Variants in MIPOL1 observed in about 807,000 individuals in gnomAD.
MIPOL1 encodes mirror-image polydactyly 1, also known as mirror-image polydactyly gene 1 protein.
A neutral mutation model predicts 60.9 loss-of-function variants in MIPOL1; 57 were observed. The observed-to-expected ratio is 0.94, with a 90% CI of 0.76 to 1.17. The LOEUF (loss-of-function observed/expected upper bound fraction) is 1.17, where lower values mean the gene tolerates loss of function less well. MIPOL1 is among the 50% of genes most tolerant of loss of function. The pLI, the probability that MIPOL1 is intolerant of heterozygous loss-of-function variation, is 0.00. For synonymous variants in MIPOL1, 179 were observed against 168.8 expected, an observed-to-expected ratio of 1.06 and a Z score of -0.47; for missense variants, 551 against 511.6, an observed-to-expected ratio of 1.08 and a Z score of -0.74.
chr14:37,350,437 A>ATT (rs2091273020), intron 9 of MIPOL1, among the ~76,000 whole-genome samples: 1 of 149,640 alleles, frequency 6.7e-6, no homozygotes, highest in Non-Finnish European at 1.5e-5. Context: ...TACTTTATGT[A>ATT]TTTAACAATT....
At chr14:37,282,158 A>AT (rs2084159516) in intron 6 of MIPOL1, among the ~76,000 whole-genome samples, 2 of 152,108 alleles carry the variant, frequency 1.3e-5, no homozygotes, top group Admixed American at 6.5e-5. Context: ...TCTGAAGTTT[A>AT]TTTTGTAGTT....
At chr14:37,210,256 T>A (rs1355973354) in intron 1 of MIPOL1, among the ~76,000 whole-genome samples, 1 of 151,882 alleles carries the variant, frequency 6.6e-6, no homozygotes, top group African/African-American at 2.4e-5. Flanking sequence ...ACCCACAGGT[T>A]GGGTGCCCAC....
At chr14:37,541,770 T>G (rs1270194166) in intron 12 of MIPOL1, among the ~76,000 whole-genome samples, 1 of 152,178 alleles carries the variant, frequency 6.6e-6, no homozygotes, top group African/African-American at 2.4e-5. Flanking sequence ...CTACCTCCGT[T>G]CTTTTAGTCT....
At chr14:37,482,565 G>A (rs1205921802) in intron 11 of MIPOL1, among the ~76,000 whole-genome samples, 1 of 152,110 alleles carries the variant, frequency 6.6e-6, no homozygotes, top group Non-Finnish European at 1.5e-5. Context: ...TCACATGGTG[G>A]CAGGAGAGAG....
chr14:37,234,896 C>G (rs1278701377), intron 1 of MIPOL1, among the ~76,000 whole-genome samples: 3 of 151,828 alleles, frequency 2.0e-5, no homozygotes, highest in Non-Finnish European at 4.4e-5. Context: ...CTGCCTCAGC[C>G]TCCCGAGTAG....
At chr14:37,513,849 CAT>C (rs1480109860) in intron 12 of MIPOL1, among the ~76,000 whole-genome samples, 3 of 152,006 alleles carry the variant, frequency 2.0e-5, no homozygotes, top group Non-Finnish European at 4.4e-5. Context: ...ATAGATAAAA[CAT>C]GTTTCAGATG....
chr14:37,421,462 C>A (rs1186819813), intron 10 of MIPOL1, among the ~76,000 whole-genome samples: 1 of 152,052 alleles, frequency 6.6e-6, no homozygotes, highest in Non-Finnish European at 1.5e-5. Context: ...TTCTAAGTTA[C>A]CATTTTAATC....
chr14:37,219,890 T>C (rs1012148155), intron 1 of MIPOL1, among the ~76,000 whole-genome samples: 3 of 149,872 alleles, frequency 2.0e-5, no homozygotes, highest in African/African-American at 7.3e-5. Context: ...TTGAAACTTT[T>C]AATGTACTTA....
intron 11 of MIPOL1, among the ~76,000 whole-genome samples, chr14:37,457,730 G>T (rs1163497916): frequency 2.0e-5 from 3 of 152,088 alleles, no homozygotes. Context: ...TGGGTTAAGT[G>T]CTCCTTGTAT....
chr14:37,276,326 G>T (rs1370534814), intron 6 of MIPOL1: 1 of 150,702 alleles, frequency 6.6e-6, no homozygotes, highest in Non-Finnish European at 1.5e-5. Context: ...TTTTCTTTTG[G>T]TAGAGAGAAG....
At chr14:37,288,159 G>A (rs899435411) in intron 7 of MIPOL1, among the ~76,000 whole-genome samples, 2 of 150,220 alleles carry the variant, frequency 1.3e-5, no homozygotes, top group Admixed American at 1.3e-4. Context: ...AGTTTTTGAG[G>A]TTTTTTTTGG....
At chr14:37,234,781 C>CTT (rs1205535226) in intron 1 of MIPOL1, among the ~76,000 whole-genome samples, 1 of 143,588 alleles carries the variant, frequency 7.0e-6, no homozygotes, top group Admixed American at 7.0e-5. Flanking sequence ...TAGCTGAATT[C>CTT]TTTTTTTTTT....
At chr14:37,426,553 C>A (rs1321634515) in intron 11 of MIPOL1, among the ~76,000 whole-genome samples, 2 of 62,260 alleles carry the variant, frequency 3.2e-5, no homozygotes, top group Non-Finnish European at 6.8e-5. Flanking sequence ...AAGAGTGAAA[C>A]TCTGTCTCAA....
chr14:37,442,037 T>C (rs1313258622), intron 11 of MIPOL1, among the ~76,000 whole-genome samples: 2 of 152,128 alleles, frequency 1.3e-5, no homozygotes, highest in East Asian at 3.9e-4. Flanking sequence ...TGTGGATTTT[T>C]CATAGATGAC....
At chr14:37,451,045 A>G (rs1316649803) in intron 11 of MIPOL1, among the ~76,000 whole-genome samples, 1 of 152,188 alleles carries the variant, frequency 6.6e-6, no homozygotes, top group Admixed American at 6.6e-5. Context: ...TGCAGTCATA[A>G]TATTATAGTT....
At chr14:37,221,197 G>A (rs10150704) in intron 1 of MIPOL1, among the ~76,000 whole-genome samples, 68,403 of 151,976 alleles carry the variant, frequency 0.45, 17,883 homozygotes, top group African/African-American at 0.73. Context: ...CTGATCATGA[G>A]CAGAAACTTA....
At chr14:37,445,018 G>C (rs2094310318) in intron 11 of MIPOL1, among the ~76,000 whole-genome samples, 1 of 152,178 alleles carries the variant, frequency 6.6e-6, no homozygotes, top group African/African-American at 2.4e-5. Context: ...ACTGGCACAA[G>C]ACAGGGATGC....
chr14:37,474,886 C>T (rs1411843355), intron 11 of MIPOL1, among the ~76,000 whole-genome samples: 1 of 152,122 alleles, frequency 6.6e-6, no homozygotes, highest in Non-Finnish European at 1.5e-5. Flanking sequence ...CATGTTGAGC[C>T]TCTTATATGC....
chr14:37,384,636 C>T (rs1010895074), intron 10 of MIPOL1, among the ~76,000 whole-genome samples: 1 of 152,040 alleles, frequency 6.6e-6, no homozygotes, highest in Admixed American at 6.6e-5. Context: ...CTCAAAATAA[C>T]CTCCAAGATT....
Sources: allele counts gnomAD v4.1 joint callset (sites outside exome capture counted in the v4.1 genomes callset), GRCh38; gene constraint gnomAD v4.1.1; transcripts MANE v1.5; gene names NCBI Gene and HGNC (gene_info 2026-07-23, HGNC 2026-07-21).